The following POMGNT1 variants were observed in gnomAD, a reference collection of about 807,000 sequenced individuals.
POMGNT1 encodes protein O-linked-mannose beta-1,2-N-acetylglucosaminyltransferase 1.
In POMGNT1, 67 loss-of-function variants were observed where a neutral mutation model predicts 95.6. That is an observed-to-expected ratio of 0.70 (90% CI 0.58 to 0.86). The LOEUF is 0.86. Ranked by LOEUF, POMGNT1 falls within the 40% of genes least tolerant of loss-of-function variation. POMGNT1 has a pLI of 0.00. For synonymous variants in POMGNT1, 298 were observed against 317.9 expected, an observed-to-expected ratio of 0.94 and a Z score of 0.66; for missense variants, 719 against 855.2, an observed-to-expected ratio of 0.84 and a Z score of 1.99.
chr1:46,195,980 G>GC, intron 5 of POMGNT1, 32 bp downstream of exon 5: 1 of 1,614,106 alleles, frequency 6.2e-7, no homozygotes. Flanking sequence ...CCCAGCTCCA[G>GC]CCCTCTGGGT....
chr1:46,193,958 A>T, intron 9 of POMGNT1, 33 bp from the exon 10 acceptor site: 7 of 1,612,446 alleles, frequency 4.3e-6, no homozygotes, highest in Non-Finnish European at 5.9e-6. Flanking sequence ...CTCTTGCCTT[A>T]TTCCCCCTTC....
At chr1:46,212,043 T>A (rs1051562524) in intron 1 of POMGNT1, among the ~76,000 whole-genome samples, 1 of 152,080 alleles carries the variant, frequency 6.6e-6, no homozygotes, top group African/African-American at 2.4e-5. Flanking sequence ...ATTACAGGAG[T>A]GAGCTACCAC....
At chr1:46,219,991 C>T (rs764431104) in exon 1 of POMGNT1, 1 of 1,614,136 alleles carries the variant, frequency 6.2e-7, no homozygotes. Context: ...CCACCTGGGG[C>T]TCCACGTTCC....
At chr1:46,190,097 CTTTTTTTT>C in intron 19 of POMGNT1, 108 bp from the exon 20 acceptor site, 1 of 807,240 alleles carries the variant, frequency 1.2e-6, no homozygotes, top group East Asian at 3.0e-5. Context: ...CCTTGAAGTT[CTTTTTTTT>C]TTTTTTTTTT....
intron 16 of POMGNT1, 26 bp downstream of exon 16, chr1:46,192,282 C>T: frequency 1.9e-6 from 3 of 1,614,122 alleles, no homozygotes; most frequent in Non-Finnish European, 2.5e-6. Flanking sequence ...GGGACTCCAG[C>T]CCCCTCACCC....
At chr1:46,195,735 A>AGG in intron 6 of POMGNT1, 76 bp downstream of exon 6, 1 of 1,267,264 alleles carries the variant, frequency 7.9e-7, no homozygotes, top group South Asian at 1.3e-5. Flanking sequence ...ATGTTATATG[A>AGG]GGGGCAGAGA....
intron 1 of POMGNT1, among the ~76,000 whole-genome samples, chr1:46,212,652 C>T (rs1290501332): frequency 1.3e-5 from 2 of 152,194 alleles, no homozygotes; most frequent in Non-Finnish European, 2.9e-5. Flanking sequence ...TCTCAGCTCA[C>T]TGTAACCTCT....
chr1:46,211,935 T>C (rs964428457), intron 1 of POMGNT1, among the ~76,000 whole-genome samples: 5 of 152,120 alleles, frequency 3.3e-5, no homozygotes, highest in African/African-American at 9.7e-5. Context: ...CCAATTTTTG[T>C]ATTTTTATTA....
chr1:46,197,166 CA>C, intron 2 of POMGNT1, 82 bp from the exon 3 acceptor site: 2 of 1,609,102 alleles, frequency 1.2e-6, no homozygotes, highest in Non-Finnish European at 1.7e-6. Context: ...GCCCTGGCTG[CA>C]GTGAAGACAT....
At position 46,193,976 on chromosome 1, in the gene POMGNT1, G is replaced by T. The variant is rs775805494; in HGVS notation, c.880-51C>A. The T allele has an allele frequency of 6.8e-6, 11 of 1,607,600 alleles. No homozygotes were observed. In the East Asian group the frequency reaches 2.2e-4, roughly 33 times the overall value. ...TTGCCTTATTCCCCCTTCAAACTGG[G>T]ATCCCCACCTAGGGAAGACTTCTCA... On this transcript the variant is annotated intron_variant, in intron 9 of 21. Coordinates refer to ENST00000371984, the MANE Select transcript of POMGNT1 (RefSeq NM_017739.4).
intron 1 of POMGNT1, among the ~76,000 whole-genome samples, chr1:46,211,480 C>G (rs560129625): frequency 7.9e-5 from 12 of 151,164 alleles, no homozygotes; most frequent in African/African-American, 1.7e-4. Flanking sequence ...CACACACACA[C>G]AGTAATATCA....
upstream of POMGNT1, chr1:46,203,301 C>A: frequency 1.5e-6 from 1 of 656,448 alleles, no homozygotes; most frequent in Non-Finnish European, 2.3e-6. Flanking sequence ...GCGCCCTCCT[C>A]CCGCCCCCGC....
In POMGNT1 at chr1:46,188,691, G is replaced by A. The variant is rs752471855; in HGVS notation, c.*579C>T. 2 of 1,595,338 alleles carry A rather than the reference G, an allele frequency of 1.3e-6. No individual in the cohort carries two copies. Among genetic ancestry groups the A allele is most frequent in the Non-Finnish European group, 1.7e-6 (2 of 1,168,394 alleles). On this transcript the variant is annotated 3_prime_UTR_variant, in exon 22 of 22. Coordinates refer to ENST00000371984, the MANE Select transcript of POMGNT1 (RefSeq NM_017739.4). Reference sequence around the variant, plus strand: ...CACAATCACAAGACATCCCCAGAGGGCTTCTCCTTTTTTAATCAATGACCA... The same window carrying A: ...CACAATCACAAGACATCCCCAGAGGACTTCTCCTTTTTTAATCAATGACCA...
At position 46,189,025 on chromosome 1, in the gene POMGNT1, T is replaced by G; in HGVS notation, c.*245A>C. The G allele has an allele frequency of 6.3e-7, 1 of 1,576,170 alleles. No homozygotes were observed. Among genetic ancestry groups the G allele is most frequent in the Non-Finnish European group, 8.6e-7 (1 of 1,162,572 alleles). On this transcript the variant is annotated 3_prime_UTR_variant, in exon 22 of 22. Transcript: ENST00000371984. ...AAAGGGCAGGATGAGCTGCTAGGGA[T>G]CGTAATGATTCCCAGGTACTCTCCT... is the stretch of plus-strand genomic sequence containing the variant.
At chr1:46,219,573 G>A (rs902297173) in intron 1 of POMGNT1, 15 of 1,044,088 alleles carry the variant, frequency 1.4e-5, no homozygotes, top group African/African-American at 3.2e-5. Flanking sequence ...TACACTGCAA[G>A]CCGTTATAAT....
In POMGNT1 at chr1:46,192,175, G is replaced by A. The variant is rs727504103; in HGVS notation, c.1462C>T (p.Arg488Ter). 2 of 1,614,142 alleles carry A rather than the reference G, an allele frequency of 1.2e-6. No homozygotes were observed. Among genetic ancestry groups the A allele is most frequent in the Non-Finnish European group, 1.7e-6 (2 of 1,180,018 alleles). The change falls in exon 17 of 22, where the codon CGA (arginine) becomes TGA (stop). Residue 488 changes from arginine (R) to a stop codon, truncating the protein, a stop_gained. Coordinates refer to ENST00000371984, the MANE Select transcript of POMGNT1 (RefSeq NM_017739.4). LOFTEE classifies it high-confidence loss of function. ...GAAACGTCAGGGATGATGCACTCTC[G>A]GCCCCGGCGTTGTTCAGGCATCCGC... ...WMRMPEQRRG[R>*]ECIIPDVSRS...
upstream of POMGNT1, among the ~76,000 whole-genome samples, chr1:46,200,052 C>G (rs900736690): frequency 6.6e-6 from 1 of 152,068 alleles, no homozygotes; most frequent in Admixed American, 6.6e-5. Flanking sequence ...CGCCTATAAT[C>G]GTAGCTACTC....
intron 1 of POMGNT1, chr1:46,219,555 C>T: frequency 1.2e-6 from 1 of 828,906 alleles, no homozygotes; most frequent in Non-Finnish European, 1.8e-6. Context: ...CTGTCTGCTT[C>T]TGAAGCCTAC....
chr1:46,219,250 G>A (rs1326023119), intron 1 of POMGNT1, among the ~76,000 whole-genome samples: 2 of 150,914 alleles, frequency 1.3e-5, no homozygotes, highest in Non-Finnish European at 2.9e-5. Context: ...AGCTGAGATC[G>A]CGCCATTGCA....
Sources: gnomAD v4.1 joint callset for allele counts (sites outside exome capture counted in the v4.1 genomes callset) on GRCh38, gnomAD v4.1.1 for gene constraint, MANE v1.5 for transcripts, NCBI Gene and HGNC (gene_info 2026-07-23, HGNC 2026-07-21) for gene names.